Variants in PTPRN2 observed in about 807,000 individuals in gnomAD.
The protein encoded by PTPRN2 is protein tyrosine phosphatase receptor type N2.
Under a neutral mutation model 118.8 loss-of-function variants are expected in PTPRN2, and 74 were observed. The ratio of observed to expected loss-of-function variants is 0.62; its 90% CI spans 0.52 to 0.76. The LOEUF (loss-of-function observed/expected upper bound fraction) is 0.76. Among genes scored for constraint, PTPRN2 ranks in the 30% least tolerant of loss-of-function variants. The probability of loss-of-function intolerance (pLI) is 0.00; values close to 1 mark genes in which losing one functional copy is unlikely to be tolerated. For missense variants in PTPRN2, 1,481 were observed against 1,394.4 expected (o/e 1.06, Z -0.99); for synonymous variants, 641 against 608.0 (o/e 1.05, Z -0.80).
chr7:157,713,236 T>C (rs1798739640), intron 12 of PTPRN2, among the ~76,000 whole-genome samples: 1 of 148,464 alleles, frequency 6.7e-6, no homozygotes, highest in African/African-American at 2.5e-5. Flanking sequence ...CTCCTAGCAC[T>C]GCATGGTCCA....
intron 12 of PTPRN2, among the ~76,000 whole-genome samples, chr7:157,817,616 C>T (rs1413840757): frequency 6.6e-6 from 1 of 152,230 alleles, no homozygotes; most frequent in East Asian, 1.9e-4. Flanking sequence ...GACCTGTCGA[C>T]CAGGGACACA....
Position 158,117,642 on chromosome 7 carries a change from CAG to C in PTPRN2, c.1557-6729_1557-6728del, listed in dbSNP as rs551234188. Among the ~76,000 whole-genome samples the C allele has an allele frequency of 3.4e-3, 519 of 152,220 alleles. 4 individuals carry two copies. The highest frequency in any genetic ancestry group is 0.012 in the African/African-American group (498 of 41,550). ...TAAATTGTTAAAAGACAAGGACAAA[CAG>C]AGAATTCTCCTCTTACATTTGAAAG... On this transcript the variant is annotated intron_variant, in intron 9 of 22. Coordinates refer to ENST00000389418, the MANE Select transcript of PTPRN2 (RefSeq NM_002847.5).
At chr7:157,702,164 C>A (rs559829689) in intron 12 of PTPRN2, among the ~76,000 whole-genome samples, 2 of 140,768 alleles carry the variant, frequency 1.4e-5, no homozygotes, top group African/African-American at 2.7e-5. Flanking sequence ...GTAACTGACA[C>A]GGGCTGTGGG....
At chr7:157,700,500 C>G (rs1256423630) in intron 12 of PTPRN2, among the ~76,000 whole-genome samples, 1 of 152,186 alleles carries the variant, frequency 6.6e-6, no homozygotes, top group Non-Finnish European at 1.5e-5. Flanking sequence ...TTTGTCCTCC[C>G]CACAATCAGA....
intron 11 of PTPRN2, among the ~76,000 whole-genome samples, chr7:158,073,295 C>T (rs548125806): frequency 1.3e-5 from 2 of 152,240 alleles, no homozygotes; most frequent in Non-Finnish European, 1.5e-5. Flanking sequence ...TCAGAGACAG[C>T]CTGTGAGCCG....
At chr7:157,852,011 C>G (rs913703980) in intron 12 of PTPRN2, among the ~76,000 whole-genome samples, 5 of 152,218 alleles carry the variant, frequency 3.3e-5, no homozygotes, top group Non-Finnish European at 7.3e-5. Flanking sequence ...AAGAAAAAAC[C>G]TCTGTGCAGA....
At chr7:158,571,120 G>A (rs1053356321) in intron 1 of PTPRN2, among the ~76,000 whole-genome samples, 5 of 151,970 alleles carry the variant, frequency 3.3e-5, no homozygotes, top group Admixed American at 6.5e-5. Context: ...GGCAAGGCTT[G>A]GAATATTTTT....
In PTPRN2 at chr7:157,697,346, T is replaced by C. The variant is rs1330500891; in HGVS notation, c.1789-14409A>G. 8.7e-4 allele frequency among the ~76,000 whole-genome samples: 80 copies of C among 92,274 alleles called. No homozygotes were observed. The Middle Eastern group carries it at 0.024, about 28-fold the overall frequency. The allele number at this position is 92,274 out of a possible 152,430, so 60.5% of individuals were successfully genotyped here. ...TCTACCCATGCATACTGGATCTTAG[T>C]AGAGCCCTCACCATCTACCCATGCA... is the stretch of plus-strand genomic sequence containing the variant. On this transcript the variant is annotated intron_variant, in intron 12 of 22. Coordinates refer to ENST00000389418, the MANE Select transcript of PTPRN2 (RefSeq NM_002847.5).
chr7:158,145,744 T>A (rs190380679), intron 6 of PTPRN2, among the ~76,000 whole-genome samples: 2 of 152,186 alleles, frequency 1.3e-5, no homozygotes, highest in African/African-American at 4.8e-5. Flanking sequence ...CATTTCTTTT[T>A]CCATCATTGC....
chr7:157,815,321 G>A (rs1233416663), intron 12 of PTPRN2, among the ~76,000 whole-genome samples: 2 of 152,382 alleles, frequency 1.3e-5, no homozygotes, highest in African/African-American at 4.8e-5. Context: ...TCCCATGGCC[G>A]TGGCCTCTTC....
intron 11 of PTPRN2, among the ~76,000 whole-genome samples, chr7:157,908,378 G>A (rs147858281): frequency 6.6e-6 from 1 of 152,404 alleles, no homozygotes; most frequent in East Asian, 1.9e-4. Context: ...GGTTTGAAGA[G>A]CAGAAGCACT....
At chr7:157,572,527 G>A (rs966211478) in intron 19 of PTPRN2, among the ~76,000 whole-genome samples, 4 of 152,242 alleles carry the variant, frequency 2.6e-5, no homozygotes, top group African/African-American at 7.2e-5. Context: ...GGGTGGCTGT[G>A]GAAGGAGAGG....
chr7:158,144,773 C>G (rs73173611), intron 6 of PTPRN2, among the ~76,000 whole-genome samples: 15,876 of 152,204 alleles, frequency 0.1, 921 homozygotes, highest in African/African-American at 0.16. Flanking sequence ...TAACAGCAAA[C>G]ACCGTCACTG....
chr7:157,772,485 C>G (rs1799483449), intron 12 of PTPRN2, among the ~76,000 whole-genome samples: 1 of 152,246 alleles, frequency 6.6e-6, no homozygotes. Context: ...CAGAGTCCTG[C>G]TCAGTGCTGC....
At position 158,015,042 on chromosome 7, in the gene PTPRN2, G is replaced by A. The variant is rs1229225384; in HGVS notation, c.1723+66256C>T. Among the ~76,000 whole-genome samples, 1 of 152,124 alleles carries A rather than the reference G, an allele frequency of 6.6e-6. No homozygotes were observed. Among genetic ancestry groups the A allele is most frequent in the Admixed American group, 6.6e-5 (1 of 15,266 alleles). On this transcript the variant is annotated intron_variant, in intron 11 of 22. Transcript: ENST00000389418. This position sits in a 1 kb window ranked among gnomAD's most constrained non-coding sequence, Gnocchi z 4.2. ...CTTTTCCCTTTTTGCTCTCTCATTT[G>A]TCTCTCTTTTTCTTCCCTTGTATCT...
chr7:158,368,595 A>G (rs1316349413), intron 2 of PTPRN2, among the ~76,000 whole-genome samples: 1 of 152,172 alleles, frequency 6.6e-6, no homozygotes, highest in African/African-American at 2.4e-5. Context: ...GAGAAATGAC[A>G]GGTGTGGAAG....
At chr7:158,492,586 C>T (rs977161625) in intron 1 of PTPRN2, among the ~76,000 whole-genome samples, 5 of 152,206 alleles carry the variant, frequency 3.3e-5, no homozygotes, top group Non-Finnish European at 7.3e-5. Context: ...GGAAAACCTG[C>T]AGCACTCCTT....
Position 158,133,742 on chromosome 7 carries a change from G to T in PTPRN2, c.1491C>A (p.Asp497Glu). ...AAGGCTGGACCTCCAATTGCAGGCCGTCGCTGAGGGCCTCCTGAGCACCCG... is the reference window on the plus strand; with the variant it reads ...AAGGCTGGACCTCCAATTGCAGGCCTTCGCTGAGGGCCTCCTGAGCACCCG... The part of the protein sequence containing the change: ...LPAGAQEALS[D>E]GLQLEVQPSE... Residue 497 changes from aspartate to glutamate, a missense_variant, in exon 9 of 23, where the codon GAC (aspartate) becomes GAA (glutamate). This residue lies in a region of PTPRN2 where 1,115 missense variants were observed against 994.2 expected (regional missense o/e 1.12). Transcript: ENST00000389418. 1 of 1,612,678 alleles carries T rather than the reference G, an allele frequency of 6.2e-7. No individual in the cohort carries two copies. The highest frequency in any genetic ancestry group is 1.3e-5 in the African/African-American group (1 of 75,032).
In PTPRN2 at chr7:157,603,922, C is replaced by T. The variant is rs938013799; in HGVS notation, c.2418+80G>A. 2.5e-5 allele frequency: 35 copies of T among 1,388,698 alleles called. No individual in the cohort carries two copies. The highest frequency in any genetic ancestry group is 2.1e-4 in the East Asian group (9 of 43,608). 86.0% of individuals were successfully genotyped at this position (1,388,698 alleles called of 1,614,324 possible). On this transcript the variant is annotated intron_variant, in intron 16 of 22. Transcript: ENST00000389418. This position sits in a 1 kb window ranked among gnomAD's most constrained non-coding sequence, Gnocchi z 5.4. ...AGCTGGGTGGGGACGTGATTTCCCC[C>T]GAGAACCTTCCCACGTGATTTGCCG...
Sources: allele counts gnomAD v4.1 joint callset (sites outside exome capture counted in the v4.1 genomes callset), GRCh38; gene constraint gnomAD v4.1.1; regional missense constraint gnomAD v4.1.1; non-coding constraint Gnocchi (gnomAD v3.1); transcripts MANE v1.5; gene names NCBI Gene and HGNC (gene_info 2026-07-23, HGNC 2026-07-21).